MIIP: variants seen among roughly 807,000 people sequenced by gnomAD.
The protein encoded by MIIP is migration and invasion-inhibitory protein.
Under a neutral mutation model 44.8 loss-of-function variants are expected in MIIP, and 44 were observed. The ratio of observed to expected loss-of-function variants is 0.98; its 90% CI spans 0.77 to 1.26. MIIP has a LOEUF of 1.26. Ranked by LOEUF, MIIP falls within the 50% of genes most tolerant of loss-of-function variation. MIIP has a pLI of 0.00. For missense variants in MIIP, 496 were observed against 511.7 expected (o/e 0.97, Z 0.30); for synonymous variants, 225 against 218.3 (o/e 1.03, Z -0.27).
At chr1:12,026,070 C>T (rs953103431) in intron 4 of MIIP, among the ~76,000 whole-genome samples, 7 of 151,194 alleles carry the variant, frequency 4.6e-5, no homozygotes, top group Non-Finnish European at 1.0e-4. Flanking sequence ...TTTGGGAGGC[C>T]GAGGTGGGCG....
chr1:12,031,876 A>G lies in MIIP; in HGVS notation c.*68A>G, dbSNP rs1640252926. ...CCTCTCCCCTCTGGCAGGCGCACCCAGGAGATGGAATCCCCTGCCCGCCCA... is the reference window on the plus strand; with the variant it reads ...CCTCTCCCCTCTGGCAGGCGCACCCGGGAGATGGAATCCCCTGCCCGCCCA... On this transcript the variant is annotated 3_prime_UTR_variant, in exon 10 of 10. Coordinates refer to ENST00000235332, the MANE Select transcript of MIIP (RefSeq NM_021933.4). 1 of 1,482,828 alleles carries G rather than the reference A, an allele frequency of 6.7e-7. No homozygotes were observed. The highest frequency in any genetic ancestry group is 1.4e-5 in the African/African-American group (1 of 72,380). 91.9% of individuals were successfully genotyped at this position (1,482,828 alleles called of 1,614,324 possible).
chr1:12,021,883 A>G (rs767857154), intron 2 of MIIP, 43 bp downstream of exon 2: 3 of 1,494,346 alleles, frequency 2.0e-6, no homozygotes, highest in South Asian at 2.5e-5. Context: ...GGGCTACCTG[A>G]CCTTCAGGCC....
intron 6 of MIIP, 146 bp downstream of exon 6, chr1:12,029,427 G>A: frequency 2.1e-6 from 2 of 954,164 alleles, no homozygotes; most frequent in South Asian, 1.7e-5. Flanking sequence ...CCTGCAGTCT[G>A]GACAGGGTGG....
At chr1:12,027,617 A>G (rs1640130500) in intron 4 of MIIP, among the ~76,000 whole-genome samples, 1 of 151,468 alleles carries the variant, frequency 6.6e-6, no homozygotes, top group Admixed American at 6.6e-5. Context: ...CCTCCTCTCT[A>G]TCTTCCCTCT....
rs117604296 is a variant in MIIP at position 12,027,231 on chromosome 1, A to G, written c.548-1802A>G. Among the ~76,000 whole-genome samples, 353 of 152,218 alleles carry G rather than the reference A, an allele frequency of 2.3e-3. 7 individuals carry two copies. The East Asian group carries it at 0.041, about 18-fold the overall frequency. ...CGCCATCTTGGCCAGTCTGGTCTGGAACTCCCGATGTCAAGTGATCTGCCC... is the reference window on the plus strand; with the variant it reads ...CGCCATCTTGGCCAGTCTGGTCTGGGACTCCCGATGTCAAGTGATCTGCCC... On this transcript the variant is annotated intron_variant, in intron 4 of 9. Transcript: ENST00000235332.
intron 4 of MIIP, among the ~76,000 whole-genome samples, chr1:12,023,648 G>A (rs1392118136): frequency 6.7e-6 from 1 of 149,346 alleles, no homozygotes; most frequent in Non-Finnish European, 1.5e-5. Context: ...AAAGTGCTGG[G>A]ATTACAGGCA....
chr1:12,029,625 G>A lies in MIIP; in HGVS notation c.716-140G>A, dbSNP rs1034591523. 8.2e-6 allele frequency: 10 copies of A among 1,213,210 alleles called. No individual in the cohort carries two copies. The East Asian group carries it at 2.2e-4, about 27-fold the overall frequency. 75.2% of individuals were successfully genotyped at this position (1,213,210 alleles called of 1,614,324 possible). ...GTGGGCCCCAGGTTCTGGGAGGAAAGGGGTTAGGAGGAAATGGGCCGAAGG... is the reference window on the plus strand; with the variant it reads ...GTGGGCCCCAGGTTCTGGGAGGAAAAGGGTTAGGAGGAAATGGGCCGAAGG... On this transcript the variant is annotated intron_variant, in intron 6 of 9. Coordinates refer to ENST00000235332, the MANE Select transcript of MIIP (RefSeq NM_021933.4).
intron 1 of MIIP, 78 bp downstream of exon 1, chr1:12,019,630 CG>C (rs1639927259): frequency 6.6e-6 from 1 of 152,404 alleles, no homozygotes; most frequent in Non-Finnish European, 1.5e-5. Flanking sequence ...GCGAGGGGCT[CG>C]GGGGCCGCAG....
intron 4 of MIIP, among the ~76,000 whole-genome samples, chr1:12,025,403 G>A (rs1164479192): frequency 6.6e-6 from 1 of 152,142 alleles, no homozygotes; most frequent in Non-Finnish European, 1.5e-5. Context: ...TCTGTTGTGT[G>A]TAGATGCCAC....
Position 12,021,643 on chromosome 1 carries a change from A to C in MIIP, c.-82-2A>C. ...CCCCGTGTCCTGCTGTCTTGACTTC[A>C]GGTAGAAGAGCTGGGCCTGGAACCC... On this transcript the variant is annotated splice_acceptor_variant, in intron 1 of 9. Transcript: ENST00000235332. LOFTEE classifies it low-confidence loss of function (5UTR_SPLICE). 8.2e-7 allele frequency: 1 copy of C among 1,220,872 alleles called. No individual in the cohort carries two copies. Among genetic ancestry groups the C allele is most frequent in the South Asian group, 1.3e-5 (1 of 78,388 alleles). The allele number at this position is 1,220,872 out of a possible 1,614,324, so 75.6% of individuals were successfully genotyped here. A position where few individuals can be genotyped will look rare whatever the true frequency, so the allele number is the denominator to read the frequency against.
chr1:12,030,145 G>A, intron 8 of MIIP, 21 bp downstream of exon 8: 2 of 1,608,538 alleles, frequency 1.2e-6, no homozygotes, highest in Non-Finnish European at 8.5e-7. Context: ...ACGTGGGGCT[G>A]GATGGTGATG....
intron 6 of MIIP, 80 bp downstream of exon 6, chr1:12,029,361 A>T: frequency 6.8e-7 from 1 of 1,464,086 alleles, no homozygotes; most frequent in Admixed American, 2.0e-5. Context: ...GAGCAGTCCC[A>T]TTTGAGGTTT....
chr1:12,028,848 G>C, intron 4 of MIIP, 185 bp from the exon 5 acceptor site: 1 of 599,142 alleles, frequency 1.7e-6, no homozygotes, highest in Non-Finnish European at 3.0e-6. Context: ...AGGGTAGACA[G>C]ACACTGAAAC....
Position 12,031,283 on chromosome 1 carries a change from G to C in MIIP, c.960G>C (p.Trp320Cys). The change falls in exon 9 of 10, where the codon TGG (tryptophan) becomes TGC (cysteine). Residue 320 changes from tryptophan (W) to cysteine (C), a missense_variant. Trp to Cys is a radical substitution (Grantham distance 215, BLOSUM62 -2). Transcript: ENST00000235332. Reference sequence around the variant, plus strand: ...TTCCACAGCACTGCCTGCTGGGCTGGGACATTTTTCCTCCGAAGTCTGAGA... The same window carrying C: ...TTCCACAGCACTGCCTGCTGGGCTGCGACATTTTTCCTCCGAAGTCTGAGA... ...LALPRHCLLG[W>C]DIFPPKSEKS... 1 of 1,613,844 alleles carries C rather than the reference G, an allele frequency of 6.2e-7. No homozygotes were observed. Among genetic ancestry groups the C allele is most frequent in the Non-Finnish European group, 8.5e-7 (1 of 1,179,856 alleles).
intron 4 of MIIP, among the ~76,000 whole-genome samples, chr1:12,025,639 C>T (rs544783261): frequency 1.3e-5 from 2 of 152,172 alleles, no homozygotes; most frequent in African/African-American, 2.4e-5. Flanking sequence ...TCTAGACTTA[C>T]GAGGCATGAT....
chr1:12,022,009 T>C, intron 2 of MIIP, 86 bp from the exon 3 acceptor site: 1 of 1,442,468 alleles, frequency 6.9e-7, no homozygotes, highest in Non-Finnish European at 9.6e-7. Flanking sequence ...CGGAGCAGGA[T>C]GAGGATGCTT....
intron 6 of MIIP, 44 bp downstream of exon 6, chr1:12,029,325 G>C: frequency 6.3e-7 from 1 of 1,579,894 alleles, no homozygotes; most frequent in Non-Finnish European, 8.6e-7. Flanking sequence ...GTCCAGCCTC[G>C]CGCTGCCCTG....
chr1:12,019,973 G>A (rs937675039), intron 1 of MIIP, among the ~76,000 whole-genome samples: 11 of 152,282 alleles, frequency 7.2e-5, no homozygotes, highest in African/African-American at 2.4e-4. Context: ...CGGCCCTGCG[G>A]GGTAATATAC....
chr1:12,020,231 C>T (rs2100891463), intron 1 of MIIP, among the ~76,000 whole-genome samples: 1 of 152,250 alleles, frequency 6.6e-6, no homozygotes, highest in South Asian at 2.1e-4. Flanking sequence ...CTTCCCTGAG[C>T]TTTGGTTTCT....
Sources: allele counts gnomAD v4.1 joint callset (sites outside exome capture counted in the v4.1 genomes callset), GRCh38; gene constraint gnomAD v4.1.1; transcripts MANE v1.5; gene names NCBI Gene and HGNC (gene_info 2026-07-23, HGNC 2026-07-21).